KIFBP: variants seen among roughly 807,000 people sequenced by gnomAD.
KIFBP encodes kinesin family binding protein.
Under a neutral mutation model 58.9 loss-of-function variants are expected in KIFBP, and 46 were observed. The ratio of observed to expected loss-of-function variants is 0.78; its 90% CI spans 0.62 to 1.00. KIFBP has a LOEUF of 1.00. Among genes scored for constraint, KIFBP ranks in the 50% least tolerant of loss-of-function variants. The pLI is 0.00. For synonymous variants in KIFBP, 241 were observed against 283.4 expected, an observed-to-expected ratio of 0.85 and a Z score of 1.50; for missense variants, 651 against 752.9, an observed-to-expected ratio of 0.86 and a Z score of 1.58.
intron 2 of KIFBP, among the ~76,000 whole-genome samples, chr10:69,001,627 C>T (rs1178565693): frequency 6.6e-6 from 1 of 151,968 alleles, no homozygotes. Flanking sequence ...TGGCGCACGC[C>T]TGTAGTCCCA....
chr10:68,989,125 A>T lies in KIFBP; in HGVS notation c.293A>T (p.Glu98Val). The change falls in exon 1 of 7, where the codon GAG becomes GTG. Residue 98 changes from glutamate (E) to valine (V), a missense_variant. Transcript: ENST00000361983. Reference protein sequence around the residue: ...AQRAVRLAVIEFHLGVNHIDT... With the variant: ...AQRAVRLAVIVFHLGVNHIDT... ...CGAGCGGTGAGGCTGGCAGTCATCG[A>T]GTTCCACCTCGGGGTGAACCACATC... 1.9e-6 allele frequency: 3 copies of T among 1,611,182 alleles called. No individual in the cohort carries two copies. Among genetic ancestry groups the T allele is most frequent in the Non-Finnish European group, 2.5e-6 (3 of 1,178,024 alleles).
In KIFBP at chr10:69,016,618, T is replaced by C; in HGVS notation, c.*202T>C. 3.6e-6 allele frequency: 2 copies of C among 561,934 alleles called. No homozygotes were observed. Among genetic ancestry groups the C allele is most frequent in the East Asian group, 5.8e-5 (2 of 34,684 alleles). 34.8% of individuals were successfully genotyped at this position (561,934 alleles called of 1,614,324 possible). On this transcript the variant is annotated 3_prime_UTR_variant, in exon 7 of 7. Coordinates refer to ENST00000361983, the MANE Select transcript of KIFBP (RefSeq NM_015634.4). ...TTACACCTAATTATGTAAATTGCCT[T>C]GTTAAAGACATGTGATTTGTATTTT...
chr10:68,999,578 G>C (rs936212948), intron 1 of KIFBP: 1 of 152,158 alleles, frequency 6.6e-6, no homozygotes, highest in African/African-American at 2.4e-5. Flanking sequence ...AATACTTGAA[G>C]ACTGGGACGC....
intron 5 of KIFBP, 150 bp from the exon 6 acceptor site, chr10:69,010,750 G>A (rs1436916664): frequency 1.5e-6 from 1 of 654,276 alleles, no homozygotes; most frequent in African/African-American, 1.8e-5. Flanking sequence ...ATTTGGGGGG[G>A]GATCTTTCTT....
Position 69,010,747 on chromosome 10 carries a change from G to A in KIFBP, c.875-153G>A, listed in dbSNP as rs551048986. Among the ~76,000 whole-genome samples the A allele has an allele frequency of 1.4e-4, 21 of 152,248 alleles. No individual in the cohort carries two copies. The South Asian group carries it at 4.1e-3, about 30-fold the overall frequency. On this transcript the variant is annotated intron_variant, in intron 5 of 6. Coordinates refer to ENST00000361983, the MANE Select transcript of KIFBP (RefSeq NM_015634.4). ...GTGCTTCTGGGTAGTAGGATTTGGG[G>A]GGGGATCTTTCTTCCCTTTTCCCCA...
At chr10:69,011,738 G>A (rs954716188) in intron 6 of KIFBP, among the ~76,000 whole-genome samples, 8 of 122,042 alleles carry the variant, frequency 6.6e-5, no homozygotes, top group Non-Finnish European at 9.6e-5. Context: ...TCTGTCGCCC[G>A]TGCTGGAGTG....
intron 6 of KIFBP, among the ~76,000 whole-genome samples, chr10:69,013,821 C>G (rs1843616920): frequency 6.6e-6 from 1 of 152,190 alleles, no homozygotes; most frequent in South Asian, 2.1e-4. Flanking sequence ...ATGATCTCCA[C>G]TCACTGCATC....
Position 68,988,873 on chromosome 10 carries a change from A to G in KIFBP, c.41A>G (p.Gln14Arg). 6.2e-7 allele frequency: 1 copy of G among 1,614,262 alleles called. No homozygotes were observed. Among genetic ancestry groups the G allele is most frequent in the Non-Finnish European group, 8.5e-7 (1 of 1,180,044 alleles). ...TGGGCAGAGGTCTGCGAGAAATTCCAGGCGGCGCTCGCTCTGTCGCGGGTG... is the reference window on the plus strand; with the variant it reads ...TGGGCAGAGGTCTGCGAGAAATTCCGGGCGGCGCTCGCTCTGTCGCGGGTG... ...VPWAEVCEKFQAALALSRVEL... is the reference protein window; with the variant it reads ...VPWAEVCEKFRAALALSRVEL... The change falls in exon 1 of 7, where the codon CAG becomes CGG. Residue 14 changes from glutamine to arginine, a missense_variant. Transcript: ENST00000361983.
At chr10:68,995,509 G>A (rs571178466) in intron 1 of KIFBP, among the ~76,000 whole-genome samples, 10 of 152,180 alleles carry the variant, frequency 6.6e-5, no homozygotes, top group East Asian at 1.9e-4. Context: ...TGGTCGTAGC[G>A]TATTCTTTTT....
intron 1 of KIFBP, among the ~76,000 whole-genome samples, chr10:68,990,109 C>T (rs1334847527): frequency 6.6e-6 from 1 of 152,232 alleles, no homozygotes; most frequent in African/African-American, 2.4e-5. Flanking sequence ...GAAAACCTAT[C>T]TCAAGAATCA....
chr10:69,007,420 G>T (rs1198844924), intron 4 of KIFBP, among the ~76,000 whole-genome samples: 1 of 152,156 alleles, frequency 6.6e-6, no homozygotes, highest in Non-Finnish European at 1.5e-5. Context: ...CTACCTGGCA[G>T]CTGCTAAAGT....
intron 2 of KIFBP, among the ~76,000 whole-genome samples, chr10:69,001,332 C>T (rs1843462692): frequency 6.6e-6 from 1 of 152,074 alleles, no homozygotes; most frequent in Admixed American, 6.5e-5. Flanking sequence ...GGGTCACAGC[C>T]TGCAAAGGTG....
intron 1 of KIFBP, chr10:68,991,335 G>T: frequency 3.9e-6 from 1 of 254,936 alleles, no homozygotes; most frequent in South Asian, 5.0e-5. Flanking sequence ...TATGTCAATG[G>T]CAGCAATCAG....
At chr10:69,002,344 A>G (rs916297755) in intron 2 of KIFBP, among the ~76,000 whole-genome samples, 25 of 151,862 alleles carry the variant, frequency 1.6e-4, no homozygotes, top group African/African-American at 5.1e-4. Flanking sequence ...ATTTTTATAG[A>G]GACCGGGTTT....
chr10:69,008,857 C>A lies in KIFBP; in HGVS notation c.806C>A (p.Ala269Asp). 1 of 1,613,392 alleles carries A rather than the reference C, an allele frequency of 6.2e-7. No homozygotes were observed. Among genetic ancestry groups the A allele is most frequent in the Non-Finnish European group, 8.5e-7 (1 of 1,179,478 alleles). Residue 269 changes from alanine to aspartate, a missense_variant, in exon 5 of 7, where the codon GCC (alanine) becomes GAC (aspartate). Transcript: ENST00000361983. ...CCCCAATAGCTATGCTTTATGGAGG[C>A]CAGGCACTGTTTATCAGCTGCTAAT... Reference protein sequence around the residue: ...FYINKLCFMEARHCLSAANVI... With the variant: ...FYINKLCFMEDRHCLSAANVI...
chr10:69,008,391 A>AAAATATAT lies in KIFBP; in HGVS notation c.790-449_790-448insAATATATA. Among the ~76,000 whole-genome samples, 550 of 71,550 alleles carry AAAATATAT rather than the reference A, an allele frequency of 7.7e-3. 6 individuals carry two copies. Among genetic ancestry groups the AAAATATAT allele is most frequent in the Middle Eastern group, 0.021 (2 of 96 alleles). 46.9% of individuals were successfully genotyped at this position (71,550 alleles called of 152,430 possible). ...CCCCTGTCTCGTAAAAAAAAAAAAA[A>AAAATATAT]ATATATATATATATATATATATATA... On this transcript the variant is annotated intron_variant, in intron 4 of 6. Transcript: ENST00000361983.
chr10:69,008,148 G>GC (rs1843553287), intron 4 of KIFBP, among the ~76,000 whole-genome samples: 1 of 151,688 alleles, frequency 6.6e-6, no homozygotes, highest in Non-Finnish European at 1.5e-5. Context: ...CTCAGGCTGG[G>GC]CAAGGTGGCT....
intron 5 of KIFBP, 30 bp from the exon 6 acceptor site, chr10:69,010,870 T>G (rs1843582456): frequency 1.4e-6 from 2 of 1,432,114 alleles, no homozygotes; most frequent in East Asian, 4.6e-5. Context: ...TTGTGACCAT[T>G]AACTTAAACA....
At chr10:69,015,005 C>T (rs1359612865) in intron 6 of KIFBP, among the ~76,000 whole-genome samples, 1 of 152,144 alleles carries the variant, frequency 6.6e-6, no homozygotes, top group Non-Finnish European at 1.5e-5. Context: ...TTACTGCAAC[C>T]TCTGCCTCCT....
Sources: allele counts gnomAD v4.1 joint callset (sites outside exome capture counted in the v4.1 genomes callset), GRCh38; gene constraint gnomAD v4.1.1; transcripts MANE v1.5; gene names NCBI Gene and HGNC (gene_info 2026-07-23, HGNC 2026-07-21).